Variants in RIMBP2 observed in about 807,000 individuals in gnomAD.
RIMBP2 encodes the protein RIMS-binding protein 2.
A neutral mutation model predicts 118.6 loss-of-function variants in RIMBP2; 48 were observed. The observed-to-expected ratio is 0.40, with a 90% CI of 0.32 to 0.51. The LOEUF is 0.51. RIMBP2 is among the 20% of genes least tolerant of loss of function. RIMBP2 has a pLI of 0.41. For synonymous variants in RIMBP2, 762 were observed against 742.9 expected (o/e 1.03, Z -0.42); for missense variants, 1,551 against 1,768.3 (o/e 0.88, Z 2.20).
At chr12:130,665,479 C>G (rs542278407) in intron 1 of RIMBP2, among the ~76,000 whole-genome samples, 1 of 151,012 alleles carries the variant, frequency 6.6e-6, no homozygotes, top group African/African-American at 2.5e-5. Context: ...GAGCTGAGAT[C>G]GTACCACAGC....
At chr12:130,456,454 T>A (rs768751421) in intron 7 of RIMBP2, 42 bp downstream of exon 7, 1 of 1,514,382 alleles carries the variant, frequency 6.6e-7, no homozygotes, top group Non-Finnish European at 8.9e-7. Context: ...CAACGGCCAT[T>A]CTCTCCCCAC....
intron 1 of RIMBP2, among the ~76,000 whole-genome samples, chr12:130,634,849 G>A (rs1479243040): frequency 6.6e-6 from 1 of 152,106 alleles, no homozygotes. Context: ...TCCACCTGCT[G>A]CAGCTTCCCA....
intron 1 of RIMBP2, among the ~76,000 whole-genome samples, chr12:130,665,093 C>A (rs1347078055): frequency 6.6e-6 from 1 of 151,794 alleles, no homozygotes; most frequent in African/African-American, 2.4e-5. Context: ...AACCCTACCA[C>A]AACTCCTGGC....
At chr12:130,500,090 T>G (rs896025707) in intron 4 of RIMBP2, among the ~76,000 whole-genome samples, 1 of 152,184 alleles carries the variant, frequency 6.6e-6, no homozygotes, top group Non-Finnish European at 1.5e-5. Flanking sequence ...AATCTGTATA[T>G]CTGGACATAC....
At chr12:130,492,125 G>A (rs1171794243) in intron 4 of RIMBP2, among the ~76,000 whole-genome samples, 2 of 152,222 alleles carry the variant, frequency 1.3e-5, no homozygotes, top group African/African-American at 4.8e-5. Flanking sequence ...TGTCACATTA[G>A]TGGGATCTGC....
At position 130,438,419 on chromosome 12, in the gene RIMBP2, C is replaced by G. The variant is rs946078270; in HGVS notation, c.1602G>C (p.Gly534=). The change falls in exon 12 of 23, where the codon GGG becomes GGC. Residue 534 remains glycine (G), a synonymous_variant. Coordinates refer to ENST00000690449, the MANE Select transcript of RIMBP2 (RefSeq NM_001393629.1). The part of the protein sequence containing the change: ...SWRPPVLTPT[G]LSNGANVTGY... Reference sequence around the variant, plus strand: ...CGGTAACGTTTGCGCCATTGGACAGCCCGGTGGGCGTCAGCACAGGTGGTC... The same window carrying G: ...CGGTAACGTTTGCGCCATTGGACAGGCCGGTGGGCGTCAGCACAGGTGGTC... The G allele has an allele frequency of 6.8e-6, 11 of 1,612,986 alleles. No homozygotes were observed. In the African/African-American group the frequency reaches 1.3e-4, roughly 20 times the overall value.
chr12:130,415,937 A>T (rs2076073616), intron 17 of RIMBP2, among the ~76,000 whole-genome samples: 1 of 151,202 alleles, frequency 6.6e-6, no homozygotes, highest in Non-Finnish European at 1.5e-5. Context: ...CCAAATCATG[A>T]ATGCAATCCC....
chr12:130,537,980 T>A (rs867495287), intron 2 of RIMBP2, among the ~76,000 whole-genome samples: 39 of 152,298 alleles, frequency 2.6e-4, no homozygotes, highest in South Asian at 8.3e-4. Context: ...AAATTTGCTG[T>A]TTCCATTTTA....
At chr12:130,585,913 C>T (rs2140260365) in intron 2 of RIMBP2, among the ~76,000 whole-genome samples, 1 of 152,348 alleles carries the variant, frequency 6.6e-6, no homozygotes, top group Admixed American at 6.5e-5. Flanking sequence ...CTACTAAAAA[C>T]AAAGCGTCCC....
At chr12:130,452,429 A>T (rs1279772407) in intron 7 of RIMBP2, among the ~76,000 whole-genome samples, 1 of 152,240 alleles carries the variant, frequency 6.6e-6, no homozygotes, top group East Asian at 1.9e-4. Context: ...CTGTGAGAAC[A>T]TCTGATCCTG....
At chr12:130,704,010 G>T (rs2695880) in intron 1 of RIMBP2, among the ~76,000 whole-genome samples, 90,269 of 151,870 alleles carry the variant, frequency 0.59, 30,359 homozygotes, top group Non-Finnish European at 0.77. Flanking sequence ...CTCCCTTTCT[G>T]TACCAAGAAA....
intron 1 of RIMBP2, among the ~76,000 whole-genome samples, chr12:130,674,306 AC>A (rs2064342171): frequency 6.6e-6 from 1 of 152,102 alleles, no homozygotes; most frequent in East Asian, 1.9e-4. Flanking sequence ...TGCGTCCTGT[AC>A]GGCTGGTGGA....
At chr12:130,399,193 AAT>A (rs2074290687) in intron 22 of RIMBP2, 8 of 1,239,518 alleles carry the variant, frequency 6.5e-6, no homozygotes, top group Admixed American at 3.0e-5. Flanking sequence ...AAGAAATAAA[AAT>A]ATATATATAA....
chr12:130,693,983 T>C (rs1442639268), intron 1 of RIMBP2, among the ~76,000 whole-genome samples: 1 of 152,222 alleles, frequency 6.6e-6, no homozygotes, highest in Non-Finnish European at 1.5e-5. Context: ...AAGGATGCAG[T>C]GGAGCCTGCA....
chr12:130,476,999 C>T (rs2138042018), intron 5 of RIMBP2, among the ~76,000 whole-genome samples: 1 of 152,330 alleles, frequency 6.6e-6, no homozygotes, highest in Middle Eastern at 3.4e-3. Context: ...TCTCATTCCA[C>T]TCAAGAGTCA....
chr12:130,461,745 T>C (rs1162595247), intron 6 of RIMBP2, among the ~76,000 whole-genome samples: 1 of 152,084 alleles, frequency 6.6e-6, no homozygotes, highest in Non-Finnish European at 1.5e-5. Flanking sequence ...CCTCCTGCTC[T>C]CAGCACACGA....
intron 2 of RIMBP2, among the ~76,000 whole-genome samples, chr12:130,542,874 G>A (rs1262397451): frequency 6.6e-6 from 1 of 152,206 alleles, no homozygotes; most frequent in East Asian, 1.9e-4. Context: ...AAAATAGAAA[G>A]TCATGGTCTA....
intron 2 of RIMBP2, among the ~76,000 whole-genome samples, chr12:130,619,536 G>C (rs989995940): frequency 2.6e-5 from 4 of 152,202 alleles, no homozygotes; most frequent in African/African-American, 9.6e-5. Flanking sequence ...TGGCGATTTT[G>C]GAAAGTCCCA....
intron 2 of RIMBP2, among the ~76,000 whole-genome samples, chr12:130,550,367 C>T (rs948311461): frequency 6.6e-5 from 10 of 152,122 alleles, no homozygotes; most frequent in Non-Finnish European, 1.3e-4. Context: ...TAAAGACAGC[C>T]CAGGAACATT....
Sources: allele counts gnomAD v4.1 joint callset (sites outside exome capture counted in the v4.1 genomes callset), GRCh38; gene constraint gnomAD v4.1.1; transcripts MANE v1.5; gene names NCBI Gene and HGNC (gene_info 2026-07-23, HGNC 2026-07-21).